TGM7: variants seen among roughly 807,000 people sequenced by gnomAD.
TGM7 encodes the protein transglutaminase 7.
In TGM7, 74 loss-of-function variants were observed where a neutral mutation model predicts 79.5. The ratio of observed to expected loss-of-function variants is 0.93; its 90% CI spans 0.77 to 1.13. TGM7 has a LOEUF of 1.13. Ranked by LOEUF, TGM7 falls within the 50% of genes most tolerant of loss-of-function variation. TGM7 has a pLI of 0.00. For synonymous variants in TGM7, 354 were observed against 362.5 expected, an observed-to-expected ratio of 0.98 and a Z score of 0.27; for missense variants, 912 against 905.9, an observed-to-expected ratio of 1.01 and a Z score of -0.09.
chr15:43,282,426 G>A (rs1165383172), intron 8 of TGM7, 91 bp downstream of exon 8: 29 of 1,137,822 alleles, frequency 2.5e-5, no homozygotes, highest in South Asian at 8.3e-5. Flanking sequence ...CGTGGAAAAC[G>A]CTGCTCCTCC....
intron 1 of TGM7, 66 bp downstream of exon 1, chr15:43,302,175 T>TCTCCAAACTTCTCCCCTCTCTTGA: frequency 6.3e-7 from 1 of 1,599,264 alleles, no homozygotes. Context: ...TCCTCTACCC[T>TCTCCAAACTTCTCCCCTCTCTTGA]CTCCAAACTT....
At chr15:43,277,938 G>A (rs1008798932) in intron 11 of TGM7, among the ~76,000 whole-genome samples, 3 of 152,254 alleles carry the variant, frequency 2.0e-5, no homozygotes, top group African/African-American at 7.2e-5. Context: ...TACTGATGGG[G>A]ACCAATTAGC....
At position 43,279,947 on chromosome 15, in the gene TGM7, G is replaced by A; in HGVS notation, c.1356C>T (p.Ser452=). The change falls in exon 10 of 13, where the codon TCC becomes TCT. Residue 452 remains serine (S), a synonymous_variant. Transcript: ENST00000452443. ...TCATGAAGACAGCTCTCTCCTCAGG[G>A]GATCCTGCAGAAGGGAGAGGTAGGA... ...ITSSYKYPEG[S]PEERAVFMKA... is the part of the protein sequence containing the mutation. 1 of 1,613,368 alleles carries A rather than the reference G, an allele frequency of 6.2e-7. No homozygotes were observed.
chr15:43,276,530 A>G lies in TGM7; in HGVS notation c.2058T>C (p.Val686=). The G allele has an allele frequency of 6.2e-7, 1 of 1,614,144 alleles. No individual in the cohort carries two copies. The highest frequency in any genetic ancestry group is 1.3e-5 in the African/African-American group (1 of 75,038). The stretch of plus-strand genomic sequence containing the variant: ...CCTTGACCTCGTTGCTGCTGATGAG[A>G]ACCTGGAGCTGGCGGGGTCCAGCTT... The part of the protein sequence containing the change: ...PTKAGPRQLQ[V]LISSNEVKEI... Residue 686 remains valine, a synonymous_variant, in exon 13 of 13, where the codon GTT becomes GTC. Coordinates refer to ENST00000452443, the MANE Select transcript of TGM7 (RefSeq NM_052955.3).
chr15:43,301,928 C>T (rs1291316883), intron 1 of TGM7, among the ~76,000 whole-genome samples: 1 of 152,124 alleles, frequency 6.6e-6, no homozygotes, highest in Non-Finnish European at 1.5e-5. Flanking sequence ...CTCCCAAGCA[C>T]CCAAGGACAC....
chr15:43,288,996 A>G (rs561655291), intron 4 of TGM7, among the ~76,000 whole-genome samples: 2 of 152,080 alleles, frequency 1.3e-5, no homozygotes, highest in South Asian at 2.1e-4. Context: ...CCAGAGAAGG[A>G]CAAGCTTTTT....
chr15:43,302,021 T>G, intron 1 of TGM7: 1 of 601,852 alleles, frequency 1.7e-6, no homozygotes, highest in Middle Eastern at 2.9e-4. Context: ...AAGAAAAGGC[T>G]GTTCACAGCT....
In TGM7 at chr15:43,293,619, C is replaced by G. The variant is rs376565619; in HGVS notation, c.23G>C (p.Arg8Pro). The G allele has an allele frequency of 3.1e-6, 5 of 1,605,520 alleles. No homozygotes were observed. The highest frequency in any genetic ancestry group is 4.2e-6 in the Non-Finnish European group (5 of 1,177,698). ...GCTCTGCAGGTCGACAGACTCAAGC[C>G]GCAAGGTTGCCACTAGGGGAGAGGA... MDQVATL[R>P]LESVDLQSSR... Residue 8 changes from arginine (R) to proline (P), a missense_variant, in exon 2 of 13, where the codon CGG becomes CCG. Arg to Pro is a moderately radical substitution (Grantham distance 103). Transcript: ENST00000452443.
chr15:43,292,146 CAG>C (rs763847419), intron 3 of TGM7, 49 bp from the exon 4 acceptor site: 18 of 1,311,382 alleles, frequency 1.4e-5, no homozygotes, highest in Non-Finnish European at 2.0e-5. Context: ...ACCAAAAAAA[CAG>C]AGTATTAAAT....
intron 4 of TGM7, among the ~76,000 whole-genome samples, chr15:43,290,386 A>G (rs1453806127): frequency 6.6e-6 from 1 of 152,138 alleles, no homozygotes; most frequent in African/African-American, 2.4e-5. Context: ...GATATGCAGC[A>G]TTCTTTCTGA....
intron 7 of TGM7, 50 bp from the exon 8 acceptor site, chr15:43,282,670 C>G: frequency 1.4e-6 from 2 of 1,436,122 alleles, no homozygotes; most frequent in Non-Finnish European, 1.9e-6. Flanking sequence ...GAGGTTTTGC[C>G]AGGTACCAGG....
chr15:43,291,994 G>C lies in TGM7; in HGVS notation c.543C>G (p.Pro181=). 6.2e-7 allele frequency: 1 copy of C among 1,613,744 alleles called. No individual in the cohort carries two copies. Among genetic ancestry groups the C allele is most frequent in the Admixed American group, 1.7e-5 (1 of 60,016 alleles). The change falls in exon 4 of 13, where the codon CCC becomes CCG. Residue 181 remains proline (P), a synonymous_variant. Transcript: ENST00000452443. The stretch of plus-strand genomic sequence containing the variant: ...ATAGTGTTACCTGCCCGTAGTTCCA[G>C]GGCCAGGAGGTGATGAATCTTTCAT... The part of the protein sequence containing the change: ...KGHERFITSW[P]WNYGQFEEDI...
At chr15:43,276,700 G>A (rs2142399049) in intron 12 of TGM7, 86 bp from the exon 13 acceptor site, 1 of 1,544,358 alleles carries the variant, frequency 6.5e-7, no homozygotes, top group South Asian at 1.2e-5. Context: ...GTGGGTAAGA[G>A]GCTCCCACTC....
chr15:43,287,447 T>A lies in TGM7; in HGVS notation c.698A>T (p.Asn233Ile). The A allele has an allele frequency of 6.2e-7, 1 of 1,614,106 alleles. No individual in the cohort carries two copies. The highest frequency in any genetic ancestry group is 8.5e-7 in the Non-Finnish European group (1 of 1,180,016). ...CRVVSAMINSNDDNGVLQGNW... is the reference protein window; with the variant it reads ...CRVVSAMINSIDDNGVLQGNW... ...CCCCTGCAGCACGCCATTGTCATCG[T>A]TGCTGTTGATCTGCAGAGGACAGAC... Residue 233 changes from asparagine (N) to isoleucine (I), a missense_variant, in exon 6 of 13, where the codon AAC becomes ATC. Coordinates refer to ENST00000452443, the MANE Select transcript of TGM7 (RefSeq NM_052955.3).
At chr15:43,278,029 C>T (rs2042886743) in intron 11 of TGM7, among the ~76,000 whole-genome samples, 1 of 152,276 alleles carries the variant, frequency 6.6e-6, no homozygotes, top group African/African-American at 2.4e-5. Flanking sequence ...TCTGCACTTG[C>T]AGTTCTGCCC....
intron 1 of TGM7, among the ~76,000 whole-genome samples, chr15:43,301,929 C>G (rs745799820): frequency 6.6e-6 from 1 of 152,112 alleles, no homozygotes; most frequent in Non-Finnish European, 1.5e-5. Flanking sequence ...TCCCAAGCAC[C>G]CAAGGACACC....
chr15:43,294,726 G>A (rs930433029), intron 1 of TGM7, among the ~76,000 whole-genome samples: 2 of 152,150 alleles, frequency 1.3e-5, no homozygotes, highest in Non-Finnish European at 2.9e-5. Flanking sequence ...GGGAAATTCC[G>A]TGCCCTGGAG....
chr15:43,289,852 T>C (rs2042955476), intron 4 of TGM7, among the ~76,000 whole-genome samples: 1 of 152,230 alleles, frequency 6.6e-6, no homozygotes. Context: ...TTTGGCTGCA[T>C]AAATGTCTTC....
intron 1 of TGM7, chr15:43,301,947 AG>A: frequency 2.1e-6 from 1 of 481,168 alleles, no homozygotes; most frequent in Non-Finnish European, 3.8e-6. Flanking sequence ...ACCTGGTGGC[AG>A]GGGCCAAGCT....
Sources: gnomAD v4.1 joint callset for allele counts (sites outside exome capture counted in the v4.1 genomes callset) on GRCh38, gnomAD v4.1.1 for gene constraint, MANE v1.5 for transcripts, NCBI Gene and HGNC (gene_info 2026-07-23, HGNC 2026-07-21) for gene names.